LRRC74A: variants seen among roughly 807,000 people sequenced by gnomAD.
LRRC74A encodes leucine rich repeat containing 74A, also known as leucine-rich repeat-containing protein 74A.
Under a neutral mutation model 57.9 loss-of-function variants are expected in LRRC74A, and 44 were observed. That is an observed-to-expected ratio of 0.76 (90% CI 0.60 to 0.98). The LOEUF is 0.98. Among genes scored for constraint, LRRC74A ranks in the 50% least tolerant of loss-of-function variants. The probability of loss-of-function intolerance (pLI) is 0.00; values close to 1 mark genes in which losing one functional copy is unlikely to be tolerated. For missense variants in LRRC74A, 572 were observed against 574.0 expected, an observed-to-expected ratio of 1.00 and a Z score of 0.04; for synonymous variants, 211 against 219.4, an observed-to-expected ratio of 0.96 and a Z score of 0.34.
chr14:76,837,857 T>G lies in LRRC74A; in HGVS notation c.448-18T>G, dbSNP rs367764098. 3.6e-5 allele frequency: 53 copies of G among 1,491,178 alleles called. No homozygotes were observed. Among genetic ancestry groups the G allele is most frequent in the African/African-American group, 4.2e-5 (3 of 71,964 alleles). The allele number at this position is 1,491,178 out of a possible 1,614,324, so 92.4% of individuals were successfully genotyped here. On this transcript the variant is annotated intron_variant, in intron 4 of 13. Coordinates refer to ENST00000689127, the MANE Select transcript of LRRC74A (RefSeq NM_001385106.1). ...TGGTGAGCTTTTTTACATACCGAAGTGTTTTCTTGCCTTTTAGAATATTTC... is the reference window on the plus strand; with the variant it reads ...TGGTGAGCTTTTTTACATACCGAAGGGTTTTCTTGCCTTTTAGAATATTTC...
intron 7 of LRRC74A, among the ~76,000 whole-genome samples, chr14:76,850,743 C>T (rs1257396096): frequency 6.6e-6 from 1 of 150,884 alleles, no homozygotes; most frequent in African/African-American, 2.4e-5. Context: ...TGGCAGGCGC[C>T]TATAATCCCA....
At chr14:76,830,813 A>G (rs1388905925) in intron 2 of LRRC74A, among the ~76,000 whole-genome samples, 1 of 152,252 alleles carries the variant, frequency 6.6e-6, no homozygotes, top group Admixed American at 6.5e-5. Flanking sequence ...AACCATCAAA[A>G]GTCATCCGCG....
chr14:76,849,800 C>A (rs1174699412), intron 7 of LRRC74A, among the ~76,000 whole-genome samples: 3 of 96,366 alleles, frequency 3.1e-5, no homozygotes, highest in Admixed American at 1.8e-4. Context: ...GGAAATTCTG[C>A]CTCAAAAAAA....
At chr14:76,843,970 G>A (rs984127902) in intron 5 of LRRC74A, among the ~76,000 whole-genome samples, 1 of 150,584 alleles carries the variant, frequency 6.6e-6, no homozygotes, top group Non-Finnish European at 1.5e-5. Flanking sequence ...AAAAGTTCTG[G>A]GATTATAGGC....
Position 76,844,806 on chromosome 14 carries a change from G to T in LRRC74A, c.595-14G>T, listed in dbSNP as rs749009244. Reference sequence around the variant, plus strand: ...GACAAAAAATCCTTCTCTTTCCCCTGTTTGTTTCTGTAGACCAATTACCAA... The same window carrying T: ...GACAAAAAATCCTTCTCTTTCCCCTTTTTGTTTCTGTAGACCAATTACCAA... On this transcript the variant is annotated splice_polypyrimidine_tract_variant and intron_variant, in intron 6 of 13. Coordinates refer to ENST00000689127, the MANE Select transcript of LRRC74A (RefSeq NM_001385106.1). 1 of 1,436,308 alleles carries T rather than the reference G, an allele frequency of 7.0e-7. No individual in the cohort carries two copies. The highest frequency in any genetic ancestry group is 1.2e-5 in the South Asian group (1 of 86,930). The allele number at this position is 1,436,308 out of a possible 1,614,324, so 89.0% of individuals were successfully genotyped here. A position where few individuals can be genotyped will look rare whatever the true frequency, so the allele number is the denominator to read the frequency against.
At chr14:76,832,907 G>A (rs947671601) in intron 3 of LRRC74A, among the ~76,000 whole-genome samples, 1 of 152,200 alleles carries the variant, frequency 6.6e-6, no homozygotes, top group Non-Finnish European at 1.5e-5. Flanking sequence ...CAACTCTGAG[G>A]AAGGGGTCAG....
At chr14:76,844,154 A>G (rs981624695) in intron 5 of LRRC74A, among the ~76,000 whole-genome samples, 15 of 152,188 alleles carry the variant, frequency 9.9e-5, no homozygotes, top group Non-Finnish European at 1.6e-4. Flanking sequence ...TCATGCCACC[A>G]TGACTGGCTA....
chr14:76,870,135 A>G lies in LRRC74A; in HGVS notation c.1402A>G (p.Thr468Ala). The change falls in exon 14 of 14, where the codon ACG (threonine) becomes GCG (alanine). Residue 468 changes from threonine to alanine, a missense_variant. By Grantham distance (58) the Thr-to-Ala change is moderately conservative (BLOSUM62 0). Coordinates refer to ENST00000689127, the MANE Select transcript of LRRC74A (RefSeq NM_001385106.1). ...TGMVNFSFLN[T>A]MKP is the part of the protein sequence containing the mutation. ...TACCTTTCGTACCAGTTTCTTGAAC[A>G]CGATGAAGCCATAGCAACAAGTCTG... 2 of 1,611,682 alleles carry G rather than the reference A, an allele frequency of 1.2e-6. No homozygotes were observed. The highest frequency in any genetic ancestry group is 2.2e-5 in the South Asian group (2 of 90,404).
intron 11 of LRRC74A, among the ~76,000 whole-genome samples, chr14:76,861,209 T>C (rs879556224): frequency 6.6e-5 from 10 of 152,296 alleles, no homozygotes; most frequent in Admixed American, 5.9e-4. Flanking sequence ...AGCCACCCAG[T>C]AGGATTGCTT....
intron 7 of LRRC74A, among the ~76,000 whole-genome samples, chr14:76,849,762 C>T (rs1897317191): frequency 6.8e-6 from 1 of 146,712 alleles, no homozygotes; most frequent in Admixed American, 6.8e-5. Context: ...GACATCGTGC[C>T]ACTGCACTCC....
In LRRC74A at chr14:76,831,392, G is replaced by A. The variant is rs750684381; in HGVS notation, c.339+17G>A. 17 of 1,611,600 alleles carry A rather than the reference G, an allele frequency of 1.1e-5. No individual in the cohort carries two copies. In the South Asian group the frequency reaches 1.9e-4, roughly 18 times the overall value. On this transcript the variant is annotated intron_variant, in intron 3 of 13. Transcript: ENST00000689127. The stretch of plus-strand genomic sequence containing the variant: ...GCCCTGGTGGTGAGCATGCTAGTGG[G>A]AGCTCATGAAACCTGGAGGAGGTGG...
chr14:76,863,585 C>T (rs1566743996), intron 11 of LRRC74A, among the ~76,000 whole-genome samples: 1 of 152,214 alleles, frequency 6.6e-6, no homozygotes, highest in Non-Finnish European at 1.5e-5. Flanking sequence ...GTTCCCGAAG[C>T]CCTTGGCTTC....
intron 4 of LRRC74A, among the ~76,000 whole-genome samples, chr14:76,837,487 GCACTCTAAACT>G (rs1175556243): frequency 6.6e-6 from 1 of 152,170 alleles, no homozygotes; most frequent in Non-Finnish European, 1.5e-5. Flanking sequence ...CAATGATTAT[GCACTCTAAACT>G]CATTTTTCAC....
rs1895957309 is a variant in LRRC74A, at chr14:76,831,333, C to T, written c.297C>T (p.Gly99=). The T allele has an allele frequency of 6.8e-6, 11 of 1,613,768 alleles. No homozygotes were observed. The South Asian group carries it at 9.9e-5, about 14-fold the overall frequency. Residue 99 remains glycine, a synonymous_variant, in exon 3 of 14, where the codon GGC becomes GGT. Transcript: ENST00000689127. The part of the protein sequence containing the change: ...EESYVNLNHH[G]LGPRGTKAIA... ...CCTACGTGAACCTCAACCACCACGG[C>T]CTGGGCCCCAGGGGTACCAAGGCTA...
chr14:76,840,075 T>C (rs959133395), intron 5 of LRRC74A, among the ~76,000 whole-genome samples: 3 of 152,208 alleles, frequency 2.0e-5, no homozygotes, highest in African/African-American at 7.2e-5. Flanking sequence ...TTTATTGATG[T>C]CAAGTTTTAT....
intron 5 of LRRC74A, 52 bp from the exon 6 acceptor site, chr14:76,844,371 G>T (rs1469913207): frequency 1.3e-6 from 2 of 1,550,400 alleles, no homozygotes; most frequent in African/African-American, 1.4e-5. Context: ...GGTGGGAGAG[G>T]AAGGGAGCCA....
chr14:76,866,714 T>C (rs1898827328), intron 12 of LRRC74A, among the ~76,000 whole-genome samples: 1 of 151,902 alleles, frequency 6.6e-6, no homozygotes, highest in Non-Finnish European at 1.5e-5. Context: ...AGGAGAGTCC[T>C]GTTCCCTCCC....
intron 9 of LRRC74A, among the ~76,000 whole-genome samples, chr14:76,854,737 T>A (rs1282410371): frequency 1.3e-5 from 2 of 152,234 alleles, no homozygotes; most frequent in Non-Finnish European, 2.9e-5. Flanking sequence ...AATGAATACA[T>A]ATTTCATTTT....
chr14:76,866,075 G>T lies in LRRC74A; in HGVS notation c.1308G>T (p.Glu436Asp). ...ATGAGTTCCAGAAAGTGATGATAGA[G>T]GTGTGCTGGGTCCTAGTGGCAACAG... ...SVDEFQKVMI[E>D]QNKVPLNQYQ... Residue 436 changes from glutamate (E) to aspartate (D), a missense_variant and splice_region_variant, in exon 12 of 14, where the codon GAG (glutamate) becomes GAT (aspartate). Transcript: ENST00000689127. 1 of 1,530,102 alleles carries T rather than the reference G, an allele frequency of 6.5e-7. No individual in the cohort carries two copies. The highest frequency in any genetic ancestry group is 9.0e-7 in the Non-Finnish European group (1 of 1,112,976). 94.8% of individuals were successfully genotyped at this position (1,530,102 alleles called of 1,614,324 possible). A position where few individuals can be genotyped will look rare whatever the true frequency, so the allele number is the denominator to read the frequency against.
Sources: allele counts gnomAD v4.1 joint callset (sites outside exome capture counted in the v4.1 genomes callset), GRCh38; gene constraint gnomAD v4.1.1; transcripts MANE v1.5; gene names NCBI Gene and HGNC (gene_info 2026-07-23, HGNC 2026-07-21).